GABRA3: variants seen among roughly 807,000 people sequenced by gnomAD.
GABRA3 encodes gamma-aminobutyric acid type A receptor subunit alpha3.
Under a neutral mutation model 30.1 loss-of-function variants are expected in GABRA3, and 10 were observed. The observed-to-expected ratio is 0.33, with a 90% CI of 0.20 to 0.56. The LOEUF is 0.56. Ranked by LOEUF, GABRA3 falls within the 20% of genes least tolerant of loss-of-function variation. The pLI, the probability that GABRA3 is intolerant of heterozygous loss-of-function variation, is 0.89. For synonymous variants in GABRA3, 151 were observed against 146.8 expected (o/e 1.03, Z -0.21); for missense variants, 233 against 392.0 (o/e 0.59, Z 3.42).
chrX:152,371,280 A>G (rs921927071), intron 1 of GABRA3, among the ~76,000 whole-genome samples: 1 of 111,471 alleles, frequency 9.0e-6, no homozygotes, highest in Non-Finnish European at 1.9e-5. Flanking sequence ...CTTTTCCCAG[A>G]ATCTCTGCAA....
chrX:152,359,879 G>A (rs1014688553), intron 2 of GABRA3, among the ~76,000 whole-genome samples: 4 of 111,884 alleles, frequency 3.6e-5, no homozygotes, highest in Admixed American at 9.5e-5. Flanking sequence ...TGCCTCAAAA[G>A]TATTAATTGC....
At chrX:152,430,742 G>A (rs1363808619) in intron 1 of GABRA3, among the ~76,000 whole-genome samples, 1 of 111,854 alleles carries the variant, frequency 8.9e-6, no homozygotes, top group African/African-American at 3.3e-5. Flanking sequence ...TACGGGAAAT[G>A]CAAAACTCTA....
intron 2 of GABRA3, among the ~76,000 whole-genome samples, chrX:152,359,665 G>A (rs144721864): frequency 3.2e-4 from 35 of 110,888 alleles, no homozygotes; most frequent in Middle Eastern, 4.7e-3. Flanking sequence ...TTTGAGATCT[G>A]TGTAACTTTT....
chrX:152,171,910 G>A (rs1184774051), intron 9 of GABRA3, among the ~76,000 whole-genome samples: 1 of 111,640 alleles, frequency 9.0e-6, no homozygotes, highest in Non-Finnish European at 1.9e-5. Context: ...TCCCACTCAA[G>A]AGTCTTCCTC....
At chrX:152,279,488 G>T (rs1422572299) in intron 4 of GABRA3, among the ~76,000 whole-genome samples, 1 of 111,753 alleles carries the variant, frequency 8.9e-6, no homozygotes, top group Non-Finnish European at 1.9e-5. Flanking sequence ...TTTGGTACCA[G>T]TACCATGCTG....
intron 4 of GABRA3, among the ~76,000 whole-genome samples, chrX:152,283,732 A>G (rs777819079): frequency 8.9e-6 from 1 of 112,274 alleles, no homozygotes; most frequent in East Asian, 2.8e-4. Context: ...AACAGGCGGA[A>G]AGAAGCTTTG....
At chrX:152,406,550 T>C (rs1379356704) in intron 1 of GABRA3, among the ~76,000 whole-genome samples, 1 of 97,735 alleles carries the variant, frequency 1.0e-5, no homozygotes, top group Non-Finnish European at 2.0e-5. Context: ...CAATTTTAAA[T>C]ATCTATGCAC....
At chrX:152,317,271 C>G (rs1939892740) in intron 3 of GABRA3, among the ~76,000 whole-genome samples, 1 of 111,504 alleles carries the variant, frequency 9.0e-6, no homozygotes, top group Non-Finnish European at 1.9e-5. Context: ...TAAAATGTCA[C>G]AAACCTAAAT....
intron 1 of GABRA3, among the ~76,000 whole-genome samples, chrX:152,394,732 T>C: frequency 8.9e-6 from 1 of 112,281 alleles, no homozygotes; most frequent in Non-Finnish European, 1.9e-5. Flanking sequence ...TCATTATGTA[T>C]GTTTATATTA....
intron 2 of GABRA3, among the ~76,000 whole-genome samples, chrX:152,360,740 A>T (rs1444166726): frequency 5.2e-5 from 4 of 77,206 alleles, no homozygotes; most frequent in African/African-American, 1.4e-4. Context: ...AAAAAAAATT[A>T]AAAAAAAAAA....
intron 1 of GABRA3, among the ~76,000 whole-genome samples, chrX:152,444,732 G>GGTTTTTTTTTTTTTT (rs1931019495): frequency 8.6e-5 from 2 of 23,228 alleles, no homozygotes; most frequent in Non-Finnish European, 1.5e-4. Flanking sequence ...TAATACTTGT[G>GGTTTTTTTTTTTTTT]TGTTTTTTTT....
At chrX:152,361,675 T>TC (rs1928510835) in intron 2 of GABRA3, among the ~76,000 whole-genome samples, 1 of 107,600 alleles carries the variant, frequency 9.3e-6, no homozygotes, top group African/African-American at 3.4e-5. Flanking sequence ...AGAGATAGAG[T>TC]CTCACTGTGT....
At chrX:152,342,707 T>G (rs1940333284) in intron 3 of GABRA3, among the ~76,000 whole-genome samples, 1 of 111,682 alleles carries the variant, frequency 9.0e-6, no homozygotes, top group Admixed American at 9.5e-5. Flanking sequence ...ATATTTTTGA[T>G]TTTTGTTCCG....
At chrX:152,230,955 C>A (rs1472012230) in intron 5 of GABRA3, among the ~76,000 whole-genome samples, 1 of 110,227 alleles carries the variant, frequency 9.1e-6, no homozygotes, top group African/African-American at 3.3e-5. Context: ...ATAAATTAGA[C>A]TTCATAAAAA....
chrX:152,412,908 A>AGAG (rs1001093975), intron 1 of GABRA3, among the ~76,000 whole-genome samples: 1 of 110,549 alleles, frequency 9.0e-6, no homozygotes, highest in African/African-American at 3.3e-5. Flanking sequence ...TGGGCGTTTC[A>AGAG]GAGGAGGAGG....
chrX:152,336,712 G>A (rs934066325), intron 3 of GABRA3, among the ~76,000 whole-genome samples: 2 of 111,700 alleles, frequency 1.8e-5, no homozygotes, highest in Non-Finnish European at 3.8e-5. Flanking sequence ...CCCCAGTTTC[G>A]TAATTTGGAG....
At chrX:152,223,724 T>C (rs1937885428) in intron 6 of GABRA3, among the ~76,000 whole-genome samples, 1 of 109,984 alleles carries the variant, frequency 9.1e-6, no homozygotes, top group Admixed American at 9.8e-5. Flanking sequence ...TTTAAATAAT[T>C]AGGGTGACAC....
intron 1 of GABRA3, among the ~76,000 whole-genome samples, chrX:152,440,321 T>C (rs1462799718): frequency 8.9e-6 from 1 of 112,316 alleles, no homozygotes; most frequent in African/African-American, 3.2e-5. Flanking sequence ...CACAATGAGA[T>C]ACCATCTCAC....
intron 1 of GABRA3, chrX:152,394,281 A>C (rs1391765641): frequency 1.4e-5 from 4 of 292,433 alleles, no homozygotes; most frequent in Non-Finnish European, 2.8e-5. Flanking sequence ...TGGCTCCACT[A>C]TCCATTATTG....
Sources: gnomAD v4.1 joint callset for allele counts (sites outside exome capture counted in the v4.1 genomes callset) on GRCh38, gnomAD v4.1.1 for gene constraint, MANE v1.5 for transcripts, NCBI Gene and HGNC (gene_info 2026-07-23, HGNC 2026-07-21) for gene names.